The following INSL6 variants were observed in gnomAD, a reference collection of about 807,000 sequenced individuals.
INSL6 encodes insulin like 6, also known as insulin-like peptide INSL6.
In INSL6, 16 loss-of-function variants were observed where a neutral mutation model predicts 9.4. That is an observed-to-expected ratio of 1.70 (90% CI 1.15 to 2.59). The LOEUF is 2.59. Ranked by LOEUF, INSL6 falls within the 30% of genes most tolerant of loss-of-function variation. The pLI is 0.00. For synonymous variants in INSL6, 154 were observed against 96.9 expected, an observed-to-expected ratio of 1.59 and a Z score of -3.46; for missense variants, 391 against 257.3, an observed-to-expected ratio of 1.52 and a Z score of -3.56.
the INSL6 span, among the ~76,000 whole-genome samples, chr9:5,075,187 AGCATAAGTGC>A: frequency 6.6e-6 from 1 of 152,144 alleles, no homozygotes; most frequent in Non-Finnish European, 1.5e-5. Context: ...CCATGTGCAC[AGCATAAGTGC>A]AAGGTGAAGC....
intron 3 of INSL6, among the ~76,000 whole-genome samples, chr9:5,129,537 A>T (rs1342425227): frequency 6.6e-6 from 1 of 152,130 alleles, no homozygotes; most frequent in Non-Finnish European, 1.5e-5. Context: ...ATGTACTAAG[A>T]ATCAGTTTGC....
chr9:5,148,141 A>G (rs1425798226), intron 2 of INSL6, among the ~76,000 whole-genome samples: 1 of 152,148 alleles, frequency 6.6e-6, no homozygotes, highest in Non-Finnish European at 1.5e-5. Flanking sequence ...TTTTATGCTG[A>G]TTCTTTCTCA....
chr9:5,059,860 C>G, the INSL6 span, among the ~76,000 whole-genome samples: 9 of 152,244 alleles, frequency 5.9e-5, no homozygotes, highest in African/African-American at 2.2e-4. Flanking sequence ...TATGAAGTGC[C>G]TGTGACAGTC....
the INSL6 span, among the ~76,000 whole-genome samples, chr9:5,031,397 A>G: frequency 1.2e-4 from 18 of 152,206 alleles, no homozygotes; most frequent in Admixed American, 8.5e-4. Flanking sequence ...TGGGGCCAGT[A>G]TATCTTGAAA....
At chr9:5,032,476 C>A in the INSL6 span, among the ~76,000 whole-genome samples, 1 of 152,196 alleles carries the variant, frequency 6.6e-6, no homozygotes, top group Non-Finnish European at 1.5e-5. Context: ...CCCCGAGTAG[C>A]CTAACTGGGA....
At chr9:5,112,707 G>A in the INSL6 span, 5 of 858,452 alleles carry the variant, frequency 5.8e-6, no homozygotes, top group Non-Finnish European at 8.4e-6. Flanking sequence ...CAGCAAGTGC[G>A]AGAGCGGAAC....
At chr9:5,069,223 T>C in the INSL6 span, 1 of 1,555,358 alleles carries the variant, frequency 6.4e-7, no homozygotes, top group East Asian at 2.3e-5. Flanking sequence ...GATAATTTTC[T>C]AGTTATTTTT....
At chr9:4,997,032 G>C in the INSL6 span, among the ~76,000 whole-genome samples, 2 of 149,144 alleles carry the variant, frequency 1.3e-5, no homozygotes, top group East Asian at 4.0e-4. Context: ...GGGGTCCAGT[G>C]ATCCTCCTAC....
At chr9:5,010,197 C>T in the INSL6 span, among the ~76,000 whole-genome samples, 1 of 152,114 alleles carries the variant, frequency 6.6e-6, no homozygotes, top group Admixed American at 6.6e-5. Flanking sequence ...TTGTCGGAGC[C>T]GCCATGAATT....
the INSL6 span, among the ~76,000 whole-genome samples, chr9:5,087,103 A>C: frequency 0.022 from 3,330 of 152,326 alleles, 96 homozygotes; most frequent in African/African-American, 0.074. Context: ...TTAGGCACTT[A>C]TGACTCTTAC....
chr9:5,057,510 G>C, the INSL6 span, among the ~76,000 whole-genome samples: 1 of 150,228 alleles, frequency 6.7e-6, no homozygotes, highest in Admixed American at 6.6e-5. Flanking sequence ...CAAAATTGAA[G>C]TCTACACCCA....
At chr9:5,133,006 G>C (rs1824320786) in intron 3 of INSL6, among the ~76,000 whole-genome samples, 2 of 152,136 alleles carry the variant, frequency 1.3e-5, no homozygotes, top group Non-Finnish European at 2.9e-5. Flanking sequence ...GTTGGACCTG[G>C]GGTAGTGAGA....
chr9:5,118,221 A>G, the INSL6 span, among the ~76,000 whole-genome samples: 1 of 152,214 alleles, frequency 6.6e-6, no homozygotes, highest in Admixed American at 6.5e-5. Flanking sequence ...TAAAAAGATT[A>G]TATGAATAGA....
intron 2 of INSL6, among the ~76,000 whole-genome samples, chr9:5,141,777 C>T (rs938586840): frequency 2.6e-5 from 4 of 151,912 alleles, no homozygotes; most frequent in African/African-American, 7.2e-5. Flanking sequence ...GTCATCTTCA[C>T]CATTAAATCT....
At chr9:5,001,860 G>T in the INSL6 span, among the ~76,000 whole-genome samples, 1 of 151,918 alleles carries the variant, frequency 6.6e-6, no homozygotes, top group Non-Finnish European at 1.5e-5. Flanking sequence ...GAAGAGATAT[G>T]ATACTATTCA....
At chr9:5,038,540 C>T in the INSL6 span, among the ~76,000 whole-genome samples, 102 of 150,756 alleles carry the variant, frequency 6.8e-4, no homozygotes, top group African/African-American at 2.4e-3. Context: ...TCCAGCAATA[C>T]AGCTTGAATA....
At chr9:5,085,789 A>G in the INSL6 span, 1 of 755,436 alleles carries the variant, frequency 1.3e-6, no homozygotes, top group Non-Finnish European at 2.5e-6. Context: ...TGAATATTAC[A>G]TGCTCGGGCC....
At chr9:5,110,844 G>A in the INSL6 span, 1,236 of 468,824 alleles carry the variant, frequency 2.6e-3, 17 homozygotes, top group African/African-American at 0.023. Flanking sequence ...GGGAAGGTGG[G>A]GGGGACGCTT....
At chr9:5,030,795 G>A in the INSL6 span, among the ~76,000 whole-genome samples, 1 of 151,950 alleles carries the variant, frequency 6.6e-6, no homozygotes. Context: ...AAAATATGCA[G>A]TTGGATGTGT....
Sources: allele counts gnomAD v4.1 joint callset (sites outside exome capture counted in the v4.1 genomes callset), GRCh38; gene constraint gnomAD v4.1.1; transcripts MANE v1.5; gene names NCBI Gene and HGNC (gene_info 2026-07-23, HGNC 2026-07-21).